TASP1: variants seen among roughly 807,000 people sequenced by gnomAD.
The protein encoded by TASP1 is taspase 1, also known as threonine aspartase 1.
Under a neutral mutation model 56.6 loss-of-function variants are expected in TASP1, and 16 were observed. That is an observed-to-expected ratio of 0.28 (90% CI 0.19 to 0.43). The LOEUF (loss-of-function observed/expected upper bound fraction) is 0.43. Among genes scored for constraint, TASP1 ranks in the 20% least tolerant of loss-of-function variants. The pLI, the probability that TASP1 is intolerant of heterozygous loss-of-function variation, is 1.00. For missense variants in TASP1, 393 were observed against 511.6 expected (o/e 0.77, Z 2.24); for synonymous variants, 179 against 184.2 (o/e 0.97, Z 0.23).
At chr20:13,558,798 T>C (rs916313872) in intron 8 of TASP1, among the ~76,000 whole-genome samples, 1 of 152,102 alleles carries the variant, frequency 6.6e-6, no homozygotes, top group Admixed American at 6.5e-5. Context: ...TATATTAAAA[T>C]TAATTTCCCT....
chr20:13,127,486 C>T, the TASP1 span, among the ~76,000 whole-genome samples: 1 of 152,300 alleles, frequency 6.6e-6, no homozygotes, highest in African/African-American at 2.4e-5. Flanking sequence ...GACCTGAAGT[C>T]CTACATTGTT....
intron 8 of TASP1, 60 bp from the exon 9 acceptor site, chr20:13,534,201 C>T: frequency 1.9e-6 from 3 of 1,573,784 alleles, no homozygotes; most frequent in Admixed American, 3.7e-5. Flanking sequence ...TCTGATATGA[C>T]TACATAGCAC....
the TASP1 span, among the ~76,000 whole-genome samples, chr20:13,198,792 G>GTCTTTCTTTCTTTCTTTCTTTGTCTT: frequency 8.8e-6 from 1 of 114,040 alleles, no homozygotes; most frequent in Admixed American, 9.7e-5. Flanking sequence ...TTCTTTCTTT[G>GTCTTTCTTTCTTTCTTTCTTTGTCTT]TCTTTCTTTC....
the TASP1 span, among the ~76,000 whole-genome samples, chr20:13,317,439 G>T: frequency 1.3e-5 from 2 of 151,898 alleles, no homozygotes; most frequent in Admixed American, 6.6e-5. Flanking sequence ...TCAATAAATT[G>T]GTTCTAAAGT....
the TASP1 span, among the ~76,000 whole-genome samples, chr20:13,206,689 A>C: frequency 2.6e-5 from 4 of 152,112 alleles, no homozygotes; most frequent in African/African-American, 9.7e-5. Context: ...CAGACAGTAG[A>C]CAAGGGGAGA....
chr20:13,610,160 G>A (rs2048302472), intron 4 of TASP1, among the ~76,000 whole-genome samples: 1 of 152,202 alleles, frequency 6.6e-6, no homozygotes, highest in Non-Finnish European at 1.5e-5. Flanking sequence ...TTCCTTTGGG[G>A]AGATAAAAAT....
At chr20:13,420,379 G>T (rs1372634752) in intron 12 of TASP1, among the ~76,000 whole-genome samples, 1 of 152,024 alleles carries the variant, frequency 6.6e-6, no homozygotes, top group East Asian at 1.9e-4. Context: ...CTAGTGTTTA[G>T]GAGTTTTTAA....
At chr20:13,347,280 G>A in the TASP1 span, among the ~76,000 whole-genome samples, 2 of 152,178 alleles carry the variant, frequency 1.3e-5, no homozygotes, top group Non-Finnish European at 2.9e-5. Flanking sequence ...AGGAGGAAGT[G>A]CCCACTGGGG....
the TASP1 span, among the ~76,000 whole-genome samples, chr20:13,124,553 G>A: frequency 6.6e-6 from 1 of 152,056 alleles, no homozygotes; most frequent in Non-Finnish European, 1.5e-5. Flanking sequence ...GAAAAAGGAA[G>A]TCATAGAAGA....
the TASP1 span, among the ~76,000 whole-genome samples, chr20:13,285,674 G>C: frequency 6.6e-6 from 1 of 152,208 alleles, no homozygotes; most frequent in East Asian, 1.9e-4. Context: ...GAATCAGCCC[G>C]AGAGGGGAGT....
At chr20:13,139,735 A>G in the TASP1 span, among the ~76,000 whole-genome samples, 5 of 152,228 alleles carry the variant, frequency 3.3e-5, no homozygotes, top group African/African-American at 4.8e-5. Context: ...TTGCCACAGT[A>G]CTTAACCTCC....
At chr20:13,115,363 T>G in the TASP1 span, among the ~76,000 whole-genome samples, 9 of 152,156 alleles carry the variant, frequency 5.9e-5, no homozygotes, top group African/African-American at 1.9e-4. Flanking sequence ...GTCATTAATC[T>G]TAGAGGAAGA....
At chr20:13,151,129 G>C in the TASP1 span, among the ~76,000 whole-genome samples, 9 of 152,002 alleles carry the variant, frequency 5.9e-5, no homozygotes, top group Admixed American at 5.2e-4. Context: ...CTTCTTTATA[G>C]GTTGCCACAG....
At chr20:13,447,587 C>T (rs1250806855) in intron 11 of TASP1, among the ~76,000 whole-genome samples, 1 of 152,066 alleles carries the variant, frequency 6.6e-6, no homozygotes, top group African/African-American at 2.4e-5. Context: ...GAAAGTGGAA[C>T]AGCTATCTTG....
the TASP1 span, among the ~76,000 whole-genome samples, chr20:13,208,415 G>A: frequency 5.3e-4 from 81 of 152,104 alleles, no homozygotes; most frequent in Non-Finnish European, 9.1e-4. Context: ...GAATCTAGAT[G>A]TTGCCTTCCT....
At chr20:13,498,379 G>GTGTGTGTGTGTGTGT (rs2043814543) in intron 10 of TASP1, among the ~76,000 whole-genome samples, 1 of 137,732 alleles carries the variant, frequency 7.3e-6, no homozygotes. Flanking sequence ...GTGTGTGTGT[G>GTGTGTGTGTGTGTGT]ATGGAGTCTC....
intron 10 of TASP1, among the ~76,000 whole-genome samples, chr20:13,490,268 A>G (rs1483645374): frequency 1.3e-5 from 2 of 152,120 alleles, no homozygotes; most frequent in Non-Finnish European, 2.9e-5. Context: ...ATACTTTAAT[A>G]CTTCATATTG....
chr20:13,394,289 C>A (rs2041422671), intron 13 of TASP1, among the ~76,000 whole-genome samples: 2 of 131,114 alleles, frequency 1.5e-5, no homozygotes, highest in South Asian at 4.8e-4. Context: ...CGTGCCACTG[C>A]ACTACAGCAC....
At chr20:13,311,213 AGAT>A in the TASP1 span, among the ~76,000 whole-genome samples, 1 of 108,700 alleles carries the variant, frequency 9.2e-6, no homozygotes, top group Non-Finnish European at 2.0e-5. Flanking sequence ...AGATATAGAT[AGAT>A]GATAGATAGA....
Sources: gnomAD v4.1 joint callset for allele counts (sites outside exome capture counted in the v4.1 genomes callset) on GRCh38, gnomAD v4.1.1 for gene constraint, MANE v1.5 for transcripts, NCBI Gene and HGNC (gene_info 2026-07-23, HGNC 2026-07-21) for gene names.